The following CMIP variants were observed in gnomAD, a reference collection of about 807,000 sequenced individuals.
CMIP encodes C-Maf-inducing protein.
Under a neutral mutation model 97.3 loss-of-function variants are expected in CMIP, and 13 were observed. That is an observed-to-expected ratio of 0.13 (90% confidence interval 0.09 to 0.21). The LOEUF is 0.21. CMIP is among the 10% of genes least tolerant of loss of function. The pLI is 1.00. For synonymous variants in CMIP, 538 were observed against 436.3 expected (o/e 1.23, Z -2.91); for missense variants, 847 against 1,024.9 (o/e 0.83, Z 2.37).
chr16:81,560,570 A>G (rs1299876707), intron 1 of CMIP, among the ~76,000 whole-genome samples: 2 of 152,150 alleles, frequency 1.3e-5, no homozygotes, highest in African/African-American at 4.8e-5. Flanking sequence ...AGTGTTTATG[A>G]AGTCTGCAGT....
chr16:81,699,093 A>G (rs1389164048), intron 14 of CMIP, among the ~76,000 whole-genome samples: 1 of 152,166 alleles, frequency 6.6e-6, no homozygotes, highest in East Asian at 1.9e-4. Flanking sequence ...TCTACTAAAA[A>G]TAGAAATAAA....
chr16:81,594,922 C>T (rs568102735), intron 1 of CMIP, among the ~76,000 whole-genome samples: 27 of 151,760 alleles, frequency 1.8e-4, no homozygotes, highest in Admixed American at 3.3e-4. Context: ...TGAGCCACCG[C>T]GCCCGGCCAT....
chr16:81,459,026 G>GTCACCATCACCATCACCA (rs369719054), intron 1 of CMIP, among the ~76,000 whole-genome samples: 4 of 130,868 alleles, frequency 3.1e-5, no homozygotes, highest in Non-Finnish European at 7.1e-5. Flanking sequence ...CACCATCACT[G>GTCACCATCACCATCACCA]TCACCATCAC....
At position 81,558,078 on chromosome 16, in the gene CMIP, C is replaced by T. The variant is rs763663650; in HGVS notation, c.301-49489C>T. Among the ~76,000 whole-genome samples, 49 of 152,278 alleles carry T rather than the reference C, an allele frequency of 3.2e-4. 1 individual carries two copies. The highest frequency in any genetic ancestry group is 1.6e-3 in the Admixed American group (24 of 15,298). On this transcript the variant is annotated intron_variant, in intron 1 of 20. Transcript: ENST00000537098. ...TTTGTGGTTGGCTTATTTCACTAGG[C>T]GTCATGTTCTTAAGATTCTTTCATA... is the stretch of plus-strand genomic sequence containing the variant.
chr16:81,574,433 C>G (rs976076623), intron 1 of CMIP, among the ~76,000 whole-genome samples: 2 of 152,242 alleles, frequency 1.3e-5, no homozygotes, highest in Admixed American at 6.5e-5. Flanking sequence ...TCAGCAGGAC[C>G]GGGCGAAGCC....
Position 81,616,243 on chromosome 16 carries a change from TG to T in CMIP, c.427-4630del, listed in dbSNP as rs1332412133. Among the ~76,000 whole-genome samples, 1 of 150,934 alleles carries T rather than the reference TG, an allele frequency of 6.6e-6. No homozygotes were observed. The highest frequency in any genetic ancestry group is 1.5e-5 in the Non-Finnish European group (1 of 67,884). On this transcript the variant is annotated intron_variant, in intron 2 of 20. Coordinates refer to ENST00000537098, the MANE Select transcript of CMIP (RefSeq NM_198390.3). The surrounding 1 kb of genome is among the most constrained non-coding windows in gnomAD (Gnocchi z 4.7). The stretch of plus-strand genomic sequence containing the variant: ...CTGCCTCCTCTCCCAATCCTGTGGG[TG>T]GGACATAAATACCCAGCCAGCCTCA...
chr16:81,497,804 C>T (rs139570651), intron 1 of CMIP, among the ~76,000 whole-genome samples: 1 of 152,258 alleles, frequency 6.6e-6, no homozygotes, highest in African/African-American at 2.4e-5. Flanking sequence ...TGCCCCGCCG[C>T]CTCCTCTGCT....
At chr16:81,538,511 G>A (rs924914400) in intron 1 of CMIP, among the ~76,000 whole-genome samples, 2 of 152,168 alleles carry the variant, frequency 1.3e-5, no homozygotes, top group South Asian at 2.1e-4. Flanking sequence ...CTTACTTCGC[G>A]AGCTGAGTAA....
intron 14 of CMIP, chr16:81,697,636 A>C (rs917034951): frequency 6.6e-6 from 1 of 152,164 alleles, no homozygotes; most frequent in African/African-American, 2.4e-5. Context: ...GCAACAGTAG[A>C]TGCACGGCGC....
intron 1 of CMIP, among the ~76,000 whole-genome samples, chr16:81,572,415 A>C (rs759262540): frequency 2.0e-5 from 3 of 152,218 alleles, no homozygotes; most frequent in Non-Finnish European, 4.4e-5. Context: ...GTTGGATTAC[A>C]TGAGACTTTG....
At chr16:81,700,464 C>A (rs72831125) in intron 15 of CMIP, 1 of 152,832 alleles carries the variant, frequency 6.5e-6, no homozygotes, top group Non-Finnish European at 1.5e-5. Flanking sequence ...CCCAAGGGAA[C>A]CAAGGCAGAA....
At chr16:81,707,122 T>C in intron 20 of CMIP, 38 bp downstream of exon 20, 1 of 1,569,144 alleles carries the variant, frequency 6.4e-7, no homozygotes, top group Non-Finnish European at 8.8e-7. Flanking sequence ...CTCCCCTCCT[T>C]CTTCTAGCCA....
At chr16:81,562,923 G>C (rs2090912185) in intron 1 of CMIP, among the ~76,000 whole-genome samples, 1 of 152,194 alleles carries the variant, frequency 6.6e-6, no homozygotes, top group Non-Finnish European at 1.5e-5. Context: ...TGTCTGCTGG[G>C]ATCTGCCGCG....
At chr16:81,703,881 C>T in intron 17 of CMIP, 58 bp from the exon 18 acceptor site, 4 of 1,541,392 alleles carry the variant, frequency 2.6e-6, no homozygotes, top group Non-Finnish European at 2.6e-6. Flanking sequence ...GATAGGAGGG[C>T]TCAGGGTCTC....
At chr16:81,667,473 A>AT (rs1022317876) in intron 7 of CMIP, among the ~76,000 whole-genome samples, 5 of 152,092 alleles carry the variant, frequency 3.3e-5, no homozygotes, top group African/African-American at 4.8e-5. Flanking sequence ...AGGGGAGCGT[A>AT]TTTTTCAGAG....
chr16:81,702,515 C>G, intron 16 of CMIP, 107 bp from the exon 17 acceptor site: 4 of 1,180,768 alleles, frequency 3.4e-6, no homozygotes, highest in Non-Finnish European at 4.9e-6. Flanking sequence ...TGCCTTGTAC[C>G]ACCAAGAAAA....
chr16:81,679,154 C>T (rs1904605271), intron 10 of CMIP, among the ~76,000 whole-genome samples: 1 of 152,076 alleles, frequency 6.6e-6, no homozygotes, highest in African/African-American at 2.4e-5. Flanking sequence ...GCCTGAACGG[C>T]CATGGGTGGA....
intron 1 of CMIP, among the ~76,000 whole-genome samples, chr16:81,590,838 TCCATC>T (rs1350683816): frequency 2.6e-5 from 4 of 151,742 alleles, no homozygotes; most frequent in African/African-American, 9.7e-5. Flanking sequence ...CATCCATCCA[TCCATC>T]CATCCATCCA....
At position 81,627,579 on chromosome 16, in the gene CMIP, G is replaced by C. The variant is rs546265981; in HGVS notation, c.477+6653G>C. On this transcript the variant is annotated intron_variant, in intron 3 of 20. Coordinates refer to ENST00000537098, the MANE Select transcript of CMIP (RefSeq NM_198390.3). This position sits in a 1 kb window ranked among gnomAD's most constrained non-coding sequence, Gnocchi z 4.6. ...TAGGGTGGGTGGGAAGCCCGCCCTC[G>C]AGACTGTCTCTGCCCGGCTCTGGCC... Among the ~76,000 whole-genome samples, 1 of 152,072 alleles carries C rather than the reference G, an allele frequency of 6.6e-6. No homozygotes were observed. Among genetic ancestry groups the C allele is most frequent in the South Asian group, 2.1e-4 (1 of 4,826 alleles).
Sources: gnomAD v4.1 joint callset for allele counts (sites outside exome capture counted in the v4.1 genomes callset) on GRCh38, gnomAD v4.1.1 for gene constraint, Gnocchi (gnomAD v3.1) non-coding constraint, MANE v1.5 for transcripts, NCBI Gene and HGNC (gene_info 2026-07-23, HGNC 2026-07-21) for gene names.